BANK1: variants seen among roughly 807,000 people sequenced by gnomAD.
The protein encoded by BANK1 is B-cell scaffold protein with ankyrin repeats.
BANK1 carries 95 observed loss-of-function variants against 94.5 expected under a neutral mutation model. That is an observed-to-expected ratio of 1.00 (90% CI 0.85 to 1.19). The LOEUF (loss-of-function observed/expected upper bound fraction) is 1.19, where lower values mean the gene tolerates loss of function less well. Ranked by LOEUF, BANK1 falls within the 50% of genes most tolerant of loss-of-function variation. BANK1 has a pLI of 0.00. For synonymous variants in BANK1, 334 were observed against 308.4 expected (o/e 1.08, Z -0.87); for missense variants, 987 against 932.2 (o/e 1.06, Z -0.77).
At chr4:101,980,809 T>G (rs1043407564) in intron 7 of BANK1, among the ~76,000 whole-genome samples, 1 of 152,046 alleles carries the variant, frequency 6.6e-6, no homozygotes. Context: ...TTGAGCATTT[T>G]TGTTAAGTTT....
chr4:102,057,324 C>T (rs1578484190), intron 11 of BANK1, among the ~76,000 whole-genome samples: 4 of 149,122 alleles, frequency 2.7e-5, no homozygotes, highest in African/African-American at 1.0e-4. Flanking sequence ...CTCTATTTCT[C>T]TCTCTCTCTC....
At chr4:101,875,760 C>T (rs1291698818) in intron 5 of BANK1, among the ~76,000 whole-genome samples, 2 of 152,180 alleles carry the variant, frequency 1.3e-5, no homozygotes, top group Admixed American at 6.5e-5. Context: ...AGTTGAGTTC[C>T]TGCAAGCCTT....
chr4:101,805,673 C>A (rs767256042), intron 1 of BANK1, among the ~76,000 whole-genome samples: 2 of 150,034 alleles, frequency 1.3e-5, no homozygotes, highest in African/African-American at 2.4e-5. Context: ...TTTATATGTA[C>A]AGCCTCAGAT....
rs932813842 is a variant in BANK1, at chr4:101,889,554, C to T, written c.904-5751C>T. Among the ~76,000 whole-genome samples the T allele has an allele frequency of 4.1e-3, 576 of 140,390 alleles. 6 individuals are homozygous for T. The highest frequency in any genetic ancestry group is 0.014 in the African/African-American group (522 of 36,646). 92.1% of individuals were successfully genotyped at this position (140,390 alleles called of 152,430 possible). On this transcript the variant is annotated intron_variant, in intron 5 of 16. Coordinates refer to ENST00000322953, the MANE Select transcript of BANK1 (RefSeq NM_017935.5). Reference sequence around the variant, plus strand: ...CGGAGCTTGCAGTGAGCCGAGATTGCGCCACTGCAGTCCGCAGTCCGGCCT... The same window carrying T: ...CGGAGCTTGCAGTGAGCCGAGATTGTGCCACTGCAGTCCGCAGTCCGGCCT...
chr4:102,031,601 A>T (rs1033340379), intron 10 of BANK1, among the ~76,000 whole-genome samples: 34 of 152,304 alleles, frequency 2.2e-4, no homozygotes, highest in African/African-American at 7.9e-4. Flanking sequence ...CTTCCTCATT[A>T]AAAAGGATAA....
At chr4:101,864,179 G>T (rs996665637) in intron 4 of BANK1, among the ~76,000 whole-genome samples, 1 of 152,090 alleles carries the variant, frequency 6.6e-6, no homozygotes, top group East Asian at 1.9e-4. Context: ...CGTTTCAACT[G>T]TTGTATTCTT....
At chr4:101,944,339 AC>A (rs1723861528) in intron 7 of BANK1, among the ~76,000 whole-genome samples, 2 of 151,590 alleles carry the variant, frequency 1.3e-5, no homozygotes, top group Non-Finnish European at 2.9e-5. Flanking sequence ...AGCCATTTGG[AC>A]CTCCCTTGGC....
chr4:102,024,351 A>C (rs1727008409), intron 8 of BANK1, among the ~76,000 whole-genome samples: 1 of 152,172 alleles, frequency 6.6e-6, no homozygotes, highest in Non-Finnish European at 1.5e-5. Flanking sequence ...GACTGTTTTA[A>C]ATTTTTTGAA....
At chr4:102,057,260 TTCTCTC>T (rs900964613) in intron 11 of BANK1, among the ~76,000 whole-genome samples, 21 of 145,014 alleles carry the variant, frequency 1.4e-4, no homozygotes, top group Non-Finnish European at 2.5e-4. Flanking sequence ...CTCTTTCTCT[TTCTCTC>T]TCTCTCTCCT....
intron 10 of BANK1, among the ~76,000 whole-genome samples, chr4:102,042,608 A>T (rs1206035665): frequency 6.6e-6 from 1 of 152,010 alleles, no homozygotes; most frequent in Admixed American, 6.6e-5. Context: ...CCTTGATCTT[A>T]TATTGGTTTA....
intron 7 of BANK1, among the ~76,000 whole-genome samples, chr4:101,936,564 A>ATG (rs764858295): frequency 4.6e-5 from 7 of 150,690 alleles, no homozygotes; most frequent in Non-Finnish European, 7.4e-5. Flanking sequence ...ATATATGTAT[A>ATG]TGTATACGTG....
intron 10 of BANK1, among the ~76,000 whole-genome samples, chr4:102,041,991 A>T (rs1727717617): frequency 6.6e-6 from 1 of 152,066 alleles, no homozygotes; most frequent in Non-Finnish European, 1.5e-5. Flanking sequence ...GCAGAATTTT[A>T]AAAACTTATC....
At chr4:101,822,159 A>T (rs116361806) in intron 1 of BANK1, among the ~76,000 whole-genome samples, 4,241 of 152,184 alleles carry the variant, frequency 0.028, 186 homozygotes, top group African/African-American at 0.097. Context: ...GTTTGAGACC[A>T]GTCTGGTCAA....
At chr4:101,937,258 C>A (rs1465716741) in intron 7 of BANK1, among the ~76,000 whole-genome samples, 2 of 151,806 alleles carry the variant, frequency 1.3e-5, no homozygotes, top group Non-Finnish European at 2.9e-5. Flanking sequence ...AACTAAAGAG[C>A]TTCTGCACAG....
intron 2 of BANK1, among the ~76,000 whole-genome samples, chr4:101,846,663 CA>C (rs1177354469): frequency 6.6e-6 from 1 of 152,160 alleles, no homozygotes; most frequent in Non-Finnish European, 1.5e-5. Flanking sequence ...ATAGAGAGGG[CA>C]GGGGAAGTGC....
At chr4:101,813,646 C>T (rs73836604) in intron 1 of BANK1, among the ~76,000 whole-genome samples, 67 of 152,318 alleles carry the variant, frequency 4.4e-4, no homozygotes, top group African/African-American at 8.4e-4. Flanking sequence ...GAAATGTAGT[C>T]GTGACCAAGT....
At chr4:101,877,305 G>A (rs1004081545) in intron 5 of BANK1, among the ~76,000 whole-genome samples, 6 of 152,088 alleles carry the variant, frequency 3.9e-5, no homozygotes, top group African/African-American at 1.4e-4. Context: ...GAAAGAAAAG[G>A]ATGTCTGTGA....
intron 7 of BANK1, among the ~76,000 whole-genome samples, chr4:101,940,915 A>G (rs956951478): frequency 2.0e-5 from 3 of 151,754 alleles, no homozygotes; most frequent in African/African-American, 7.3e-5. Flanking sequence ...GAAGGACGTC[A>G]CTAAGCACAA....
At chr4:101,968,358 T>A (rs1724833590) in intron 7 of BANK1, among the ~76,000 whole-genome samples, 1 of 152,110 alleles carries the variant, frequency 6.6e-6, no homozygotes, top group South Asian at 2.1e-4. Flanking sequence ...ATATTCAATG[T>A]AGGCATAGAA....
Sources: allele counts gnomAD v4.1 joint callset (sites outside exome capture counted in the v4.1 genomes callset), GRCh38; gene constraint gnomAD v4.1.1; transcripts MANE v1.5; gene names NCBI Gene and HGNC (gene_info 2026-07-23, HGNC 2026-07-21).